Variants in RBFOX2 observed in about 807,000 individuals in gnomAD.
RBFOX2 encodes the protein RNA binding protein fox-1 homolog 2.
Under a neutral mutation model 49.1 loss-of-function variants are expected in RBFOX2, and 10 were observed. That is an observed-to-expected ratio of 0.20 (90% CI 0.13 to 0.35). RBFOX2 has a LOEUF of 0.35. Among genes scored for constraint, RBFOX2 ranks in the 10% least tolerant of loss-of-function variants. The probability of loss-of-function intolerance (pLI) is 1.00; values close to 1 mark genes in which losing one functional copy is unlikely to be tolerated. For synonymous variants in RBFOX2, 183 were observed against 187.4 expected, an observed-to-expected ratio of 0.98 and a Z score of 0.19; for missense variants, 323 against 486.9, an observed-to-expected ratio of 0.66 and a Z score of 3.17.
intron 1 of RBFOX2, among the ~76,000 whole-genome samples, chr22:36,001,566 C>G (rs1290175938): frequency 1.3e-5 from 2 of 151,974 alleles, no homozygotes; most frequent in African/African-American, 4.8e-5. Flanking sequence ...TTGAGACCAG[C>G]CTGGGCAACA....
intron 4 of RBFOX2, chr22:35,777,509 C>T (rs1009748648): frequency 6.5e-6 from 1 of 154,286 alleles, no homozygotes; most frequent in Non-Finnish European, 1.4e-5. Flanking sequence ...TCAGTTCATA[C>T]TGAATTCCTC....
intron 1 of RBFOX2, among the ~76,000 whole-genome samples, chr22:35,879,779 T>C (rs765308280): frequency 1.3e-5 from 2 of 152,188 alleles, no homozygotes; most frequent in South Asian, 2.1e-4. Context: ...TCAGTGTCAA[T>C]AGTGGAGATA....
chr22:36,010,014 A>G (rs1342130267), intron 1 of RBFOX2, among the ~76,000 whole-genome samples: 3 of 152,072 alleles, frequency 2.0e-5, no homozygotes, highest in African/African-American at 7.2e-5. Context: ...CTTCTAAGGT[A>G]AAATCTACAT....
intron 1 of RBFOX2, among the ~76,000 whole-genome samples, chr22:35,862,161 A>G (rs2043164293): frequency 6.6e-6 from 1 of 152,210 alleles, no homozygotes; most frequent in Non-Finnish European, 1.5e-5. Context: ...ACAAAGGGGC[A>G]TGAGAAAACT....
In RBFOX2 at chr22:35,971,761, A is replaced by G. The variant is rs149140476; in HGVS notation, c.187-32864T>C. 2.4e-4 allele frequency among the ~76,000 whole-genome samples: 37 copies of G among 152,136 alleles called. No individual in the cohort carries two copies. The East Asian group carries it at 6.2e-3, about 25-fold the overall frequency. On this transcript the variant is annotated intron_variant, in intron 1 of 13. Coordinates refer to the RBFOX2 transcript ENST00000438146. ...GTAAGGGCTGTTTCTGATTAGGTGCATACAATTGCAGAGCTGCACAGGAAG... is the reference window on the plus strand; with the variant it reads ...GTAAGGGCTGTTTCTGATTAGGTGCGTACAATTGCAGAGCTGCACAGGAAG...
chr22:36,008,710 C>T lies in RBFOX2; in HGVS notation c.186+19530G>A, dbSNP rs544300319. 3.5e-4 allele frequency among the ~76,000 whole-genome samples: 53 copies of T among 151,994 alleles called. No individual in the cohort carries two copies. The South Asian group carries it at 0.01, about 29-fold the overall frequency. On this transcript the variant is annotated intron_variant, in intron 1 of 13. Transcript: ENST00000438146. ...GCACACAACTGCAATCCCAGCTACTCGGGAGGCTGAGGCATAAGAATCACT... is the reference window on the plus strand; with the variant it reads ...GCACACAACTGCAATCCCAGCTACTTGGGAGGCTGAGGCATAAGAATCACT...
chr22:35,905,853 G>A (rs1198071898), intron 1 of RBFOX2, among the ~76,000 whole-genome samples: 3 of 152,108 alleles, frequency 2.0e-5, no homozygotes, highest in African/African-American at 7.2e-5. Context: ...TGGTGGTCCC[G>A]TAAGATGATA....
At chr22:35,769,433 A>G (rs1942012694) in intron 4 of RBFOX2, among the ~76,000 whole-genome samples, 1 of 152,176 alleles carries the variant, frequency 6.6e-6, no homozygotes, top group Non-Finnish European at 1.5e-5. Flanking sequence ...CGTACTACCA[A>G]TTTTAACACC....
At chr22:35,847,842 T>C (rs559228170) in intron 1 of RBFOX2, among the ~76,000 whole-genome samples, 34 of 152,032 alleles carry the variant, frequency 2.2e-4, no homozygotes, top group Admixed American at 7.9e-4. Context: ...TAAATACTAA[T>C]AACCAAAAAA....
intron 1 of RBFOX2, among the ~76,000 whole-genome samples, chr22:35,914,330 C>T (rs1362468203): frequency 6.6e-6 from 1 of 152,190 alleles, no homozygotes; most frequent in Non-Finnish European, 1.5e-5. Flanking sequence ...AAATGCTTTT[C>T]CCCTAAACCT....
intron 1 of RBFOX2, among the ~76,000 whole-genome samples, chr22:35,812,185 C>G (rs1426757374): frequency 5.9e-5 from 9 of 151,306 alleles, no homozygotes; most frequent in Non-Finnish European, 1.3e-4. Context: ...CGCTTGAACT[C>G]AGGAGGAGGA....
chr22:35,740,534 C>G (rs769595531), exon 12 of RBFOX2: 6 of 152,746 alleles, frequency 3.9e-5, no homozygotes, highest in Admixed American at 1.3e-4. Context: ...TCCCCACCCC[C>G]CAAAGTCCCT....
At chr22:35,896,078 T>C (rs1375489708) in intron 1 of RBFOX2, among the ~76,000 whole-genome samples, 3 of 152,144 alleles carry the variant, frequency 2.0e-5, no homozygotes, top group Non-Finnish European at 2.9e-5. Flanking sequence ...GACCCCTTTC[T>C]CCATGTTCAA....
At chr22:36,024,246 C>T (rs188447643) in intron 1 of RBFOX2, among the ~76,000 whole-genome samples, 59 of 152,072 alleles carry the variant, frequency 3.9e-4, no homozygotes, top group Non-Finnish European at 6.3e-4. Context: ...TTAGGTATTA[C>T]GAAGGATAAA....
chr22:35,843,697 C>T (rs1032614980), upstream of RBFOX2, among the ~76,000 whole-genome samples: 1 of 152,200 alleles, frequency 6.6e-6, no homozygotes, highest in African/African-American at 2.4e-5. Flanking sequence ...TCGTACTCTT[C>T]TTCCTCCTCT....
intron 2 of RBFOX2, among the ~76,000 whole-genome samples, chr22:35,800,733 T>A (rs1259480079): frequency 6.6e-6 from 1 of 151,974 alleles, no homozygotes; most frequent in Non-Finnish European, 1.5e-5. Flanking sequence ...ATTTACTGAG[T>A]TCTATTAAGT....
chr22:35,867,287 T>C (rs183975184), intron 1 of RBFOX2, among the ~76,000 whole-genome samples: 235 of 152,320 alleles, frequency 1.5e-3, no homozygotes, highest in Non-Finnish European at 2.4e-3. Flanking sequence ...TCTACAATTA[T>C]CTCAAAACAA....
intron 1 of RBFOX2, among the ~76,000 whole-genome samples, chr22:35,903,175 T>C (rs765038629): frequency 6.6e-5 from 10 of 152,150 alleles, no homozygotes; most frequent in Non-Finnish European, 1.5e-4. Context: ...TCTGTCTCAA[T>C]TTCTTCACTT....
At chr22:35,806,788 G>A (rs1418278856) in intron 2 of RBFOX2, among the ~76,000 whole-genome samples, 1 of 152,148 alleles carries the variant, frequency 6.6e-6, no homozygotes, top group Non-Finnish European at 1.5e-5. Context: ...GAAGCAAGAA[G>A]CAGGATCTAG....
Sources: gnomAD v4.1 joint callset for allele counts (sites outside exome capture counted in the v4.1 genomes callset) on GRCh38, gnomAD v4.1.1 for gene constraint, MANE v1.5 for transcripts, NCBI Gene and HGNC (gene_info 2026-07-23, HGNC 2026-07-21) for gene names.